TENM3: variants seen among roughly 807,000 people sequenced by gnomAD.
The protein encoded by TENM3 is teneurin transmembrane protein 3.
A neutral mutation model predicts 255.1 loss-of-function variants in TENM3; 63 were observed. The ratio of observed to expected loss-of-function variants is 0.25; its 90% confidence interval spans 0.20 to 0.30. The LOEUF (loss-of-function observed/expected upper bound fraction) is 0.30. Ranked by LOEUF, TENM3 falls within the 10% of genes least tolerant of loss-of-function variation. The probability of loss-of-function intolerance (pLI) is 1.00; values close to 1 mark genes in which losing one functional copy is unlikely to be tolerated. For missense variants in TENM3, 2,929 were observed against 3,461.1 expected, an observed-to-expected ratio of 0.85 and a Z score of 3.86; for synonymous variants, 1,306 against 1,322.3, an observed-to-expected ratio of 0.99 and a Z score of 0.27.
At chr4:181,761,818 C>A in the TENM3 span, among the ~76,000 whole-genome samples, 7 of 152,228 alleles carry the variant, frequency 4.6e-5, no homozygotes, top group Middle Eastern at 3.4e-3. Flanking sequence ...AAGCACATTG[C>A]CTGGCACATA....
At chr4:181,588,902 T>C in the TENM3 span, among the ~76,000 whole-genome samples, 37 of 152,314 alleles carry the variant, frequency 2.4e-4, no homozygotes, top group East Asian at 5.6e-3. Context: ...ATAGAGAGGA[T>C]AATTGAATCA....
At chr4:182,632,147 A>G (rs2152476205) in intron 5 of TENM3, among the ~76,000 whole-genome samples, 1 of 152,300 alleles carries the variant, frequency 6.6e-6, no homozygotes, top group Non-Finnish European at 1.5e-5. Context: ...ATTTTATACT[A>G]GGCTTTTCTC....
Position 182,730,236 on chromosome 4 carries a change from T to C in TENM3, c.2622T>C (p.Ala874=). The change falls in exon 15 of 28, where the codon GCT becomes GCC. Residue 874 remains alanine (A), a synonymous_variant. Coordinates refer to ENST00000511685, the MANE Select transcript of TENM3 (RefSeq NM_001080477.4). The part of the protein sequence containing the change: ...ASVIRGQVLT[A]DGTPLIGVNV... ...TCATCAGAGGCCAAGTACTGACTGC[T>C]GATGGAACTCCACTTATTGGAGTAA... 2 of 1,613,908 alleles carry C rather than the reference T, an allele frequency of 1.2e-6. No homozygotes were observed. The highest frequency in any genetic ancestry group is 1.7e-6 in the Non-Finnish European group (2 of 1,179,814).
chr4:182,215,328 G>T (rs895049498), intron 1 of TENM3, among the ~76,000 whole-genome samples: 3 of 152,168 alleles, frequency 2.0e-5, no homozygotes, highest in Admixed American at 1.3e-4. Flanking sequence ...GAGGCAGTTA[G>T]AGCTGAATTG....
the TENM3 span, among the ~76,000 whole-genome samples, chr4:181,910,534 T>A: frequency 1.5e-5 from 2 of 132,290 alleles, no homozygotes; most frequent in African/African-American, 3.0e-5. Flanking sequence ...CAAGACTCCA[T>A]CTCAAAAAAA....
the TENM3 span, among the ~76,000 whole-genome samples, chr4:182,066,599 A>AAAATATATATAT: frequency 2.8e-4 from 38 of 137,108 alleles, no homozygotes; most frequent in African/African-American, 1.0e-3. Context: ...GTAAAAAAAA[A>AAAATATATATAT]ATATATATAT....
intron 1 of TENM3, among the ~76,000 whole-genome samples, chr4:182,169,774 T>A (rs1751979446): frequency 6.6e-6 from 1 of 152,068 alleles, no homozygotes; most frequent in African/African-American, 2.4e-5. Context: ...AACATGTAGC[T>A]ATGTCAGCTA....
chr4:182,228,392 G>A (rs11727812), intron 1 of TENM3, among the ~76,000 whole-genome samples: 5,803 of 102,294 alleles, frequency 0.057, 822 homozygotes, highest in Non-Finnish European at 0.08. Context: ...GTGTGTGTGT[G>A]TATATGTAAT....
rs5864795 is a variant in TENM3, at chr4:182,725,636, C to CTTTTTTTTTTT, written c.2369-3326_2369-3316dup. 2.7e-3 allele frequency among the ~76,000 whole-genome samples: 360 copies of CTTTTTTTTTTT among 133,406 alleles called. 2 individuals carry two copies. The highest frequency in any genetic ancestry group is 3.6e-3 in the East Asian group (17 of 4,670). The allele number at this position is 133,406 out of a possible 152,430, so 87.5% of individuals were successfully genotyped here. A position where few individuals can be genotyped will look rare whatever the true frequency, so the allele number is the denominator to read the frequency against. On this transcript the variant is annotated intron_variant, in intron 13 of 27. Coordinates refer to ENST00000511685, the MANE Select transcript of TENM3 (RefSeq NM_001080477.4). Reference sequence around the variant, plus strand: ...CATTTGATTTTCTTTTCTTTTTTTTCTTTTTTTTTTTTTCTTTGAGACGGA... The same window carrying CTTTTTTTTTTT: ...CATTTGATTTTCTTTTCTTTTTTTTCTTTTTTTTTTTTTTTTTTTTTTTTCTTTGAGACGGA...
At chr4:182,378,668 A>G (rs1288110457) in intron 3 of TENM3, among the ~76,000 whole-genome samples, 1 of 152,204 alleles carries the variant, frequency 6.6e-6, no homozygotes, top group Non-Finnish European at 1.5e-5. Flanking sequence ...GGACAGTGGC[A>G]TAACTCATGA....
At chr4:182,604,930 G>A (rs1176334470) in intron 4 of TENM3, among the ~76,000 whole-genome samples, 1 of 152,116 alleles carries the variant, frequency 6.6e-6, no homozygotes, top group East Asian at 1.9e-4. Context: ...GCATTAATGT[G>A]AGATCAATTG....
chr4:181,801,832 T>C, the TENM3 span, among the ~76,000 whole-genome samples: 1 of 151,884 alleles, frequency 6.6e-6, no homozygotes, highest in Non-Finnish European at 1.5e-5. Flanking sequence ...AAAAGGAGCA[T>C]TGGTTTTCCC....
At chr4:181,721,842 A>G in the TENM3 span, among the ~76,000 whole-genome samples, 3 of 152,036 alleles carry the variant, frequency 2.0e-5, no homozygotes, top group South Asian at 2.1e-4. Flanking sequence ...TATGGGGTAG[A>G]TGGTGTGGCT....
the TENM3 span, among the ~76,000 whole-genome samples, chr4:181,687,726 G>C: frequency 3.3e-5 from 5 of 152,112 alleles, no homozygotes; most frequent in Non-Finnish European, 5.9e-5. Context: ...CTTTTAGGCA[G>C]AGGTGAGACT....
At chr4:181,594,350 A>G in the TENM3 span, among the ~76,000 whole-genome samples, 4 of 152,224 alleles carry the variant, frequency 2.6e-5, no homozygotes, top group African/African-American at 7.2e-5. Flanking sequence ...TTTAAAAGTT[A>G]TACTTGATTT....
chr4:181,942,310 C>T, the TENM3 span, among the ~76,000 whole-genome samples: 8 of 135,664 alleles, frequency 5.9e-5, no homozygotes, highest in African/African-American at 2.3e-4. Flanking sequence ...ACCTTTTATC[C>T]AAAATTATCA....
chr4:181,992,378 C>G, the TENM3 span, among the ~76,000 whole-genome samples: 1 of 152,118 alleles, frequency 6.6e-6, no homozygotes, highest in Admixed American at 6.6e-5. Context: ...GAAACTAGCA[C>G]TGATGGAGAT....
At chr4:182,070,395 G>C in the TENM3 span, among the ~76,000 whole-genome samples, 3 of 152,190 alleles carry the variant, frequency 2.0e-5, no homozygotes, top group Non-Finnish European at 4.4e-5. Context: ...AAGGTGGGTG[G>C]ATCACTCGAG....
At position 182,375,603 on chromosome 4, in the gene TENM3, G is replaced by A. The variant is rs184052165; in HGVS notation, c.511+28674G>A. 8.7e-3 allele frequency among the ~76,000 whole-genome samples: 1,322 copies of A among 152,082 alleles called. 5 individuals are homozygous for A. Among genetic ancestry groups the A allele is most frequent in the Non-Finnish European group, 0.012 (814 of 67,984 alleles). ...GTTGCTCAGGCTGGAGTGCAGTGGC[G>A]CAGTCTCGGCTCACTGCAGCCTACA... On this transcript the variant is annotated intron_variant, in intron 3 of 27. Transcript: ENST00000511685.
Sources: gnomAD v4.1 joint callset for allele counts (sites outside exome capture counted in the v4.1 genomes callset) on GRCh38, gnomAD v4.1.1 for gene constraint, MANE v1.5 for transcripts, NCBI Gene and HGNC (gene_info 2026-07-23, HGNC 2026-07-21) for gene names.